The following PHPT1 variants were observed in gnomAD, a reference collection of about 807,000 sequenced individuals.
The protein encoded by PHPT1 is phosphohistidine phosphatase 1, also known as 14 kDa phosphohistidine phosphatase.
Under a neutral mutation model 15.6 loss-of-function variants are expected in PHPT1, and 16 were observed. The ratio of observed to expected loss-of-function variants is 1.03; its 90% CI spans 0.70 to 1.56. PHPT1 has a LOEUF of 1.56. Among genes scored for constraint, PHPT1 ranks in the 40% most tolerant of loss-of-function variants. PHPT1 has a pLI of 0.00. For missense variants in PHPT1, 228 were observed against 171.0 expected (o/e 1.33, Z -1.86); for synonymous variants, 102 against 68.1 (o/e 1.50, Z -2.45).
At chr9:136,850,483 C>A in intron 2 of PHPT1, 1 of 1,607,260 alleles carries the variant, frequency 6.2e-7, no homozygotes, top group Non-Finnish European at 8.5e-7. Context: ...CCCACCTGTG[C>A]TCTTCACAAA....
chr9:136,849,636 C>T, intron 1 of PHPT1, 46 bp downstream of exon 1: 1 of 206,122 alleles, frequency 4.9e-6, no homozygotes, highest in South Asian at 4.3e-5. Flanking sequence ...CCTGGCGAGG[C>T]GGGGGCGGGG....
chr9:136,850,860 CGG>C lies in PHPT1; in HGVS notation c.*16_*17del. 1 of 1,602,400 alleles carries C rather than the reference CGG, an allele frequency of 6.2e-7. No individual in the cohort carries two copies. Among genetic ancestry groups the C allele is most frequent in the East Asian group, 2.2e-5 (1 of 44,846 alleles). On this transcript the variant is annotated 3_prime_UTR_variant, in exon 3 of 3. Transcript: ENST00000247665. The stretch of plus-strand genomic sequence containing the variant: ...CGACGGCTACTGAGCACTCCCAGCC[CGG>C]GGCCTGCTGCCTCCAGCAGCCACTT...
chr9:136,850,725 T>C (rs1437275141), intron 2 of PHPT1, 30 bp from the exon 3 acceptor site: 4 of 1,578,676 alleles, frequency 2.5e-6, no homozygotes, highest in Non-Finnish European at 3.5e-6. Flanking sequence ...AGGGTCCAGG[T>C]AGTGCCAGCA....
intron 1 of PHPT1, 123 bp from the exon 2 acceptor site, chr9:136,849,890 G>C: frequency 1.9e-6 from 2 of 1,043,934 alleles, no homozygotes; most frequent in Admixed American, 2.2e-5. Flanking sequence ...GCCTCAAGGG[G>C]CTTCGTCTCT....
Position 136,850,079 on chromosome 9 carries a change from G to A in PHPT1, c.227G>A (p.Gly76Asp). ...KQGCDCECLG[G>D]GRISHQSQDK... ...GGCTGCGACTGTGAGTGTCTGGGCGGCGGGCGCATCTCCCACCAGAGTCAG... is the reference window on the plus strand; with the variant it reads ...GGCTGCGACTGTGAGTGTCTGGGCGACGGGCGCATCTCCCACCAGAGTCAG... The change falls in exon 2 of 3, where the codon GGC (glycine) becomes GAC (aspartate). Residue 76 changes from glycine (G) to aspartate (D), a missense_variant. Transcript: ENST00000247665. The A allele has an allele frequency of 6.2e-7, 1 of 1,613,238 alleles. No homozygotes were observed. Among genetic ancestry groups the A allele is most frequent in the South Asian group, 1.1e-5 (1 of 91,092 alleles).
chr9:136,850,265 C>A, intron 2 of PHPT1, 128 bp downstream of exon 2: 2 of 1,233,988 alleles, frequency 1.6e-6, no homozygotes, highest in Non-Finnish European at 1.2e-6. Context: ...CCAGGGTCGG[C>A]GGCAGAGCCC....
Position 136,849,557 on chromosome 9 carries a change from A to C in PHPT1, c.127A>C (p.Ile43Leu). Residue 43 changes from isoleucine (I) to leucine (L), a missense_variant, in exon 1 of 3, where the codon ATC (isoleucine) becomes CTC (leucine). Ile to Leu is a conservative substitution (Grantham distance 5, BLOSUM62 2). Transcript: ENST00000247665. ...GGCTCCGGCTGCAGAGAGCAAGGAG[A>C]TCGTGCGCGGCTACAAGTGGGCTGA... ...SGAPAAESKE[I>L]VRGYKWAEYH... The C allele has an allele frequency of 6.2e-7, 1 of 1,605,228 alleles. No individual in the cohort carries two copies. The highest frequency in any genetic ancestry group is 8.5e-7 in the Non-Finnish European group (1 of 1,177,128).
Position 136,850,106 on chromosome 9 carries a change from A to G in PHPT1, c.254A>G (p.Asp85Gly). The change falls in exon 2 of 3, where the codon GAC becomes GGC. Residue 85 changes from aspartate (D) to glycine (G), a missense_variant. Transcript: ENST00000247665. Reference sequence around the variant, plus strand: ...GGGCGCATCTCCCACCAGAGTCAGGACAAGAAGATTCACGTGTACGGCTAT... The same window carrying G: ...GGGCGCATCTCCCACCAGAGTCAGGGCAAGAAGATTCACGTGTACGGCTAT... The part of the protein sequence containing the change: ...GGGRISHQSQ[D>G]KKIHVYGYSM... The G allele has an allele frequency of 1.2e-6, 2 of 1,613,174 alleles. No homozygotes were observed. Among genetic ancestry groups the G allele is most frequent in the African/African-American group, 2.7e-5 (2 of 75,042 alleles).
rs201872168 is a variant in PHPT1 at position 136,849,423 on chromosome 9, G to C, written c.-8G>C. On this transcript the variant is annotated 5_prime_UTR_variant, in exon 1 of 3. Transcript: ENST00000247665. ...CGGGTGGGAGGAGGGGACTCCGGGA[G>C]GAGGAACATGGCGGTGGCGGACCTC... 2.3e-5 allele frequency: 37 copies of C among 1,589,600 alleles called. No individual in the cohort carries two copies. The African/African-American group carries it at 3.9e-4, about 17-fold the overall frequency.
intron 2 of PHPT1, chr9:136,850,343 G>A (rs949374345): frequency 8.3e-6 from 7 of 840,244 alleles, no homozygotes; most frequent in African/African-American, 3.4e-5. Flanking sequence ...GGGGTGGGAC[G>A]GACACCCCCA....
In PHPT1 at chr9:136,849,604, C is replaced by T; in HGVS notation, c.160+14C>T. The T allele has an allele frequency of 7.1e-7, 1 of 1,414,178 alleles. No individual in the cohort carries two copies. The highest frequency in any genetic ancestry group is 9.4e-7 in the Non-Finnish European group (1 of 1,066,220). 87.6% of individuals were successfully genotyped at this position (1,414,178 alleles called of 1,614,324 possible). ...CTGAGTACCATGGTGAGGGCGGGAC[C>T]TGCGGGCATGCCAGGGGCACGCCTG... On this transcript the variant is annotated intron_variant, in intron 1 of 2. Coordinates refer to ENST00000247665, the MANE Select transcript of PHPT1 (RefSeq NM_014172.6).
In PHPT1 at chr9:136,849,570, A is replaced by T. The variant is rs753951169; in HGVS notation, c.140A>T (p.Tyr47Phe). 4 of 1,604,922 alleles carry T rather than the reference A, an allele frequency of 2.5e-6. No individual in the cohort carries two copies. In the Admixed American group the frequency reaches 6.7e-5, roughly 27 times the overall value. The change falls in exon 1 of 3, where the codon TAC becomes TTC. Residue 47 changes from tyrosine (Y) to phenylalanine (F), a missense_variant. Transcript: ENST00000247665. ...AAESKEIVRG[Y>F]KWAEYHADIY... ...GAGAGCAAGGAGATCGTGCGCGGCTACAAGTGGGCTGAGTACCATGGTGAG... is the reference window on the plus strand; with the variant it reads ...GAGAGCAAGGAGATCGTGCGCGGCTTCAAGTGGGCTGAGTACCATGGTGAG...
rs370271314 is a variant in PHPT1 at position 136,849,448 on chromosome 9, C to T, written c.18C>T (p.Leu6=). The change falls in exon 1 of 3, where the codon CTC becomes CTT. Residue 6 remains leucine (L), a synonymous_variant. Transcript: ENST00000247665. MAVAD[L]ALIPDVDIDS... ...GGAGGAACATGGCGGTGGCGGACCT[C>T]GCTCTCATTCCTGATGTGGACATCG... The T allele has an allele frequency of 5.6e-5, 90 of 1,606,172 alleles. No homozygotes were observed. The Middle Eastern group carries it at 8.3e-4, about 15-fold the overall frequency.
At chr9:136,849,868 A>G (rs1040035412) in intron 1 of PHPT1, 145 bp from the exon 2 acceptor site, 3 of 896,304 alleles carry the variant, frequency 3.3e-6, no homozygotes, top group East Asian at 4.9e-5. Flanking sequence ...TCGCTCATTC[A>G]TCCCTGTCCC....
rs372785231 is a variant in PHPT1 at position 136,850,464 on chromosome 9, C to A, written c.286-291C>A. On this transcript the variant is annotated intron_variant, in intron 2 of 2. Coordinates refer to ENST00000247665, the MANE Select transcript of PHPT1 (RefSeq NM_014172.6). Reference sequence around the variant, plus strand: ...AGAGGCAGTCAGTACCTGGGTGGAGCTCAGAGTCCCCACCTGTGCTCTTCA... The same window carrying A: ...AGAGGCAGTCAGTACCTGGGTGGAGATCAGAGTCCCCACCTGTGCTCTTCA... 97 of 1,569,770 alleles carry A rather than the reference C, an allele frequency of 6.2e-5. No individual in the cohort carries two copies. In the African/African-American group the frequency reaches 1.2e-3, roughly 19 times the overall value.
chr9:136,850,413 T>TC, intron 2 of PHPT1: 3 of 1,203,394 alleles, frequency 2.5e-6, no homozygotes. Flanking sequence ...CTAGCTGTCC[T>TC]CCAGCACTTT....
intron 2 of PHPT1, 91 bp from the exon 3 acceptor site, chr9:136,850,664 C>G: frequency 6.8e-7 from 1 of 1,479,254 alleles, no homozygotes; most frequent in South Asian, 1.1e-5. Flanking sequence ...TTCCCACACT[C>G]GCTTCTGGTG....
chr9:136,849,453 T>G lies in PHPT1; in HGVS notation c.23T>G (p.Leu8Arg). The G allele has an allele frequency of 6.2e-7, 1 of 1,607,866 alleles. No homozygotes were observed. Among genetic ancestry groups the G allele is most frequent in the African/African-American group, 1.3e-5 (1 of 74,778 alleles). The change falls in exon 1 of 3, where the codon CTC becomes CGC. Residue 8 changes from leucine (L) to arginine (R), a missense_variant. Coordinates refer to ENST00000247665, the MANE Select transcript of PHPT1 (RefSeq NM_014172.6). MAVADLA[L>R]IPDVDIDSDG... Reference sequence around the variant, plus strand: ...AACATGGCGGTGGCGGACCTCGCTCTCATTCCTGATGTGGACATCGACTCC... The same window carrying G: ...AACATGGCGGTGGCGGACCTCGCTCGCATTCCTGATGTGGACATCGACTCC...
rs774609787 is a variant in PHPT1 at position 136,850,950 on chromosome 9, C to T, written c.*103C>T. On this transcript the variant is annotated 3_prime_UTR_variant, in exon 3 of 3. Transcript: ENST00000247665. ...CTGGCCCTGCCTGCTCCTGCGGCAG[C>T]CTCTGGTGACGTGCTGTCCACCAGG... is the stretch of plus-strand genomic sequence containing the variant. The T allele has an allele frequency of 6.8e-6, 6 of 885,422 alleles. No homozygotes were observed. Among genetic ancestry groups the T allele is most frequent in the Non-Finnish European group, 1.2e-5 (6 of 521,128 alleles). 54.8% of individuals were successfully genotyped at this position (885,422 alleles called of 1,614,324 possible).
Sources: gnomAD v4.1 joint callset for allele counts on GRCh38, gnomAD v4.1.1 for gene constraint, MANE v1.5 for transcripts, NCBI Gene and HGNC (gene_info 2026-07-23, HGNC 2026-07-21) for gene names.